Variants in RP1 observed in about 807,000 individuals in gnomAD.
The protein encoded by RP1 is oxygen-regulated protein 1.
In RP1, 16 loss-of-function variants were observed where a neutral mutation model predicts 14.8. The ratio of observed to expected loss-of-function variants is 1.08; its 90% CI spans 0.73 to 1.65. RP1 has a LOEUF of 1.65. RP1 is among the 40% of genes most tolerant of loss of function. The probability of loss-of-function intolerance (pLI) is 0.00; values close to 1 mark genes in which losing one functional copy is unlikely to be tolerated. For missense variants in RP1, 2,631 were observed against 2,535.0 expected, an observed-to-expected ratio of 1.04 and a Z score of -0.81; for synonymous variants, 876 against 883.6, an observed-to-expected ratio of 0.99 and a Z score of 0.15.
chr8:54,808,169 T>C (rs16920781), intron 24 of RP1, among the ~76,000 whole-genome samples: 18,978 of 152,118 alleles, frequency 0.12, 3,059 homozygotes, highest in African/African-American at 0.37. Flanking sequence ...ACAAGAAAAT[T>C]TCTCTCCTCC....
At chr8:54,682,508 A>G (rs745616690) in intron 12 of RP1, among the ~76,000 whole-genome samples, 1 of 152,196 alleles carries the variant, frequency 6.6e-6, no homozygotes, top group African/African-American at 2.4e-5. Flanking sequence ...ATAAAGATAC[A>G]TGCACACATA....
chr8:54,688,400 T>C (rs1311010057), intron 12 of RP1, among the ~76,000 whole-genome samples: 1 of 152,214 alleles, frequency 6.6e-6, no homozygotes, highest in Non-Finnish European at 1.5e-5. Context: ...GCCTATGTCC[T>C]GAATAGTATT....
intron 1 of RP1, among the ~76,000 whole-genome samples, chr8:54,608,607 G>C (rs1002411202): frequency 6.6e-6 from 1 of 152,138 alleles, no homozygotes; most frequent in African/African-American, 2.4e-5. Context: ...GGGGATGGAC[G>C]ATATTGCAGC....
intron 17 of RP1, among the ~76,000 whole-genome samples, chr8:54,730,251 T>G (rs1031613775): frequency 1.3e-5 from 2 of 152,136 alleles, no homozygotes; most frequent in Non-Finnish European, 2.9e-5. Flanking sequence ...TTGTTTTTTC[T>G]TAGTATATTC....
chr8:54,732,099 A>C (rs1808808510), intron 17 of RP1, among the ~76,000 whole-genome samples: 1 of 152,170 alleles, frequency 6.6e-6, no homozygotes. Flanking sequence ...TCTTGTGTTC[A>C]GCTGAACATT....
At chr8:54,852,396 A>G (rs1812077428) in intron 25 of RP1, among the ~76,000 whole-genome samples, 2 of 152,368 alleles carry the variant, frequency 1.3e-5, no homozygotes, top group South Asian at 4.1e-4. Context: ...TGTATGAATG[A>G]GGTAAACATT....
At chr8:54,735,116 G>T (rs1808887977) in intron 18 of RP1, among the ~76,000 whole-genome samples, 1 of 152,050 alleles carries the variant, frequency 6.6e-6, no homozygotes, top group Non-Finnish European at 1.5e-5. Context: ...TATAGATGTT[G>T]CTCAGCTGAG....
At chr8:54,599,012 G>C (rs1302826145) in intron 1 of RP1, among the ~76,000 whole-genome samples, 1 of 152,002 alleles carries the variant, frequency 6.6e-6, no homozygotes, top group African/African-American at 2.4e-5. Flanking sequence ...GTTTGTTTTT[G>C]CTAAATAAGT....
chr8:54,795,368 G>A (rs1235385047), intron 24 of RP1, among the ~76,000 whole-genome samples: 1 of 151,898 alleles, frequency 6.6e-6, no homozygotes, highest in East Asian at 1.9e-4. Flanking sequence ...CATAAATAAA[G>A]CCAAAAAAGA....
At chr8:54,634,009 G>T (rs988965351), downstream of RP1, among the ~76,000 whole-genome samples, 2 of 151,938 alleles carry the variant, frequency 1.3e-5, no homozygotes, top group Non-Finnish European at 2.9e-5. Context: ...AAAAAGTCCT[G>T]AGTTTTGTGG....
upstream of RP1, among the ~76,000 whole-genome samples, chr8:54,612,956 T>C (rs1052716456): frequency 6.6e-6 from 1 of 152,224 alleles, no homozygotes; most frequent in Non-Finnish European, 1.5e-5. Flanking sequence ...CTTTTCTCCA[T>C]AGCACTTTAT....
intron 27 of RP1, among the ~76,000 whole-genome samples, chr8:54,859,434 A>G (rs1326399623): frequency 6.7e-6 from 1 of 148,838 alleles, no homozygotes; most frequent in African/African-American, 2.5e-5. Flanking sequence ...GTCACTGTAC[A>G]GGGTTTCACT....
chr8:54,635,083 A>G (rs76692657), downstream of RP1, among the ~76,000 whole-genome samples: 1 of 144,832 alleles, frequency 6.9e-6, no homozygotes, highest in Non-Finnish European at 1.5e-5. Flanking sequence ...CTCCATCTCA[A>G]AAAAAAAAAA....
chr8:54,685,349 T>C (rs1455681846), intron 12 of RP1, among the ~76,000 whole-genome samples: 2 of 152,182 alleles, frequency 1.3e-5, no homozygotes, highest in Non-Finnish European at 2.9e-5. Flanking sequence ...TTCTGGTGTG[T>C]TGTCTCTTTG....
chr8:54,701,733 T>C, intron 14 of RP1: 1 of 1,374,104 alleles, frequency 7.3e-7, no homozygotes, highest in Non-Finnish European at 9.8e-7. Context: ...TGAGCAAAAG[T>C]CTTAAATTGA....
At chr8:54,744,950 C>T (rs1257884713) in intron 19 of RP1, among the ~76,000 whole-genome samples, 2 of 152,114 alleles carry the variant, frequency 1.3e-5, no homozygotes, top group Admixed American at 6.5e-5. Context: ...GAGAGCACAT[C>T]AAGTCTCTCC....
chr8:54,863,355 C>T (rs115876376), intron 27 of RP1, among the ~76,000 whole-genome samples: 31 of 152,200 alleles, frequency 2.0e-4, no homozygotes, highest in African/African-American at 7.5e-4. Flanking sequence ...GTGTAGTAGA[C>T]GATACCATCT....
Position 54,786,978 on chromosome 8 carries a change from A to G in RP1, c.3615+3268A>G, listed in dbSNP as rs183409115. 4.6e-5 allele frequency among the ~76,000 whole-genome samples: 7 copies of G among 152,288 alleles called. No individual in the cohort carries two copies. In the East Asian group the frequency reaches 1.3e-3, roughly 29 times the overall value. On this transcript the variant is annotated intron_variant, in intron 24 of 28. Transcript: ENST00000637698. Reference sequence around the variant, plus strand: ...AAAATTTCCTTTTATATAACTGTTCATATGGTAGGTGACAATGAAGGGTAA... The same window carrying G: ...AAAATTTCCTTTTATATAACTGTTCGTATGGTAGGTGACAATGAAGGGTAA...
rs199550930 is a variant in RP1, at chr8:54,627,070, A to G, written c.3188A>G (p.Gln1063Arg). Residue 1063 changes from glutamine to arginine, a missense_variant, in exon 4 of 4, where the codon CAA (glutamine) becomes CGA (arginine). Transcript: ENST00000220676. ...GAAATAAACCTAGCTAGAAAAAGGC[A>G]AAGTGTAGAGGCTGCCATTCAAGTA... The part of the protein sequence containing the change: ...YQEINLARKR[Q>R]SVEAAIQVDP... 38 of 1,614,116 alleles carry G rather than the reference A, an allele frequency of 2.4e-5. No individual in the cohort carries two copies. In the East Asian group the frequency reaches 5.3e-4, roughly 23 times the overall value.
Sources: gnomAD v4.1 joint callset for allele counts (sites outside exome capture counted in the v4.1 genomes callset) on GRCh38, gnomAD v4.1.1 for gene constraint, MANE v1.5 for transcripts, NCBI Gene and HGNC (gene_info 2026-07-23, HGNC 2026-07-21) for gene names.